Variants in OR2L13 observed in about 807,000 individuals in gnomAD.
OR2L13 encodes the protein olfactory receptor family 2 subfamily L member 13, also known as olfactory receptor 2L13.
In OR2L13, 14 loss-of-function variants were observed where a neutral mutation model predicts 15.3. The ratio of observed to expected loss-of-function variants is 0.91; its 90% confidence interval spans 0.60 to 1.43. The LOEUF (loss-of-function observed/expected upper bound fraction) is 1.43. OR2L13 is among the 40% of genes most tolerant of loss of function. The pLI is 0.00. For missense variants in OR2L13, 367 were observed against 387.9 expected (o/e 0.95, Z 0.45); for synonymous variants, 152 against 142.9 (o/e 1.06, Z -0.45).
the OR2L13 span, chr1:247,975,656 TGAAGACAAAC>T: frequency 8.9e-7 from 1 of 1,128,560 alleles, no homozygotes; most frequent in East Asian, 2.4e-5. Context: ...CCTGTGAAGA[TGAAGACAAAC>T]TTTCTGCCTT....
chr1:247,939,875 C>A, the OR2L13 span, among the ~76,000 whole-genome samples: 1 of 152,086 alleles, frequency 6.6e-6, no homozygotes, highest in Non-Finnish European at 1.5e-5. Context: ...CAAAGATAAC[C>A]TAAGGCTTCC....
At chr1:247,992,826 A>T in the OR2L13 span, among the ~76,000 whole-genome samples, 1 of 150,766 alleles carries the variant, frequency 6.6e-6, no homozygotes, top group Admixed American at 6.6e-5. Context: ...TGAATAGTGC[A>T]GCAATGAGCA....
At chr1:248,008,837 C>T in the OR2L13 span, among the ~76,000 whole-genome samples, 1 of 152,030 alleles carries the variant, frequency 6.6e-6, no homozygotes, top group Non-Finnish European at 1.5e-5. Context: ...AACAAACAGT[C>T]CCTCAGACCA....
chr1:248,059,670 T>C, the OR2L13 span, among the ~76,000 whole-genome samples: 1 of 152,346 alleles, frequency 6.6e-6, no homozygotes, highest in East Asian at 1.9e-4. Flanking sequence ...AAATAATTGA[T>C]AATTGGCATT....
chr1:248,100,143 C>T (rs1664827625), exon 3 of OR2L13: 1 of 1,614,030 alleles, frequency 6.2e-7, no homozygotes, highest in Admixed American at 1.7e-5. Flanking sequence ...CTTTTGTCTA[C>T]ACCTATCTTC....
At chr1:247,957,183 C>T in the OR2L13 span, among the ~76,000 whole-genome samples, 511 of 152,168 alleles carry the variant, frequency 3.4e-3, 2 homozygotes, top group African/African-American at 0.011. Context: ...AAGGCCTTTT[C>T]TGCATCTATT....
At chr1:247,955,791 GT>G in the OR2L13 span, among the ~76,000 whole-genome samples, 2 of 151,944 alleles carry the variant, frequency 1.3e-5, no homozygotes, top group Non-Finnish European at 2.9e-5. Flanking sequence ...TGATGGGATT[GT>G]TTTTTTCTTG....
the OR2L13 span, chr1:248,061,598 G>T: frequency 1.9e-6 from 3 of 1,612,586 alleles, no homozygotes; most frequent in Non-Finnish European, 2.5e-6. Flanking sequence ...GTGAGTCAGA[G>T]AATCTGCTCT....
chr1:248,058,843 T>G, the OR2L13 span, among the ~76,000 whole-genome samples: 5 of 152,096 alleles, frequency 3.3e-5, no homozygotes, highest in African/African-American at 1.2e-4. Flanking sequence ...TTTTTTTATC[T>G]TTCCTAAATT....
upstream of OR2L13, among the ~76,000 whole-genome samples, chr1:248,092,515 A>G (rs1347036843): frequency 1.3e-5 from 2 of 152,178 alleles, no homozygotes; most frequent in African/African-American, 4.8e-5. Context: ...AACTGGATCT[A>G]TTTCACATCT....
the OR2L13 span, among the ~76,000 whole-genome samples, chr1:248,007,070 C>T: frequency 3.3e-5 from 5 of 152,278 alleles, no homozygotes; most frequent in Non-Finnish European, 5.9e-5. Flanking sequence ...AGACCCTTTA[C>T]CCTTTCAGGT....
the OR2L13 span, among the ~76,000 whole-genome samples, chr1:247,968,125 T>C: frequency 6.6e-6 from 1 of 152,108 alleles, no homozygotes; most frequent in Non-Finnish European, 1.5e-5. Flanking sequence ...ATTCATCGCA[T>C]AAAGTAAACC....
At chr1:248,093,909 G>A (rs1664657891), upstream of OR2L13, among the ~76,000 whole-genome samples, 1 of 152,108 alleles carries the variant, frequency 6.6e-6, no homozygotes, top group South Asian at 2.1e-4. Flanking sequence ...TGTTACCAGA[G>A]GCTCGGCAGA....
chr1:248,024,936 C>G, the OR2L13 span, among the ~76,000 whole-genome samples: 1 of 152,078 alleles, frequency 6.6e-6, no homozygotes. Flanking sequence ...TTTTCCAATT[C>G]TGTGAAGAAA....
chr1:248,018,689 C>G, the OR2L13 span, among the ~76,000 whole-genome samples: 1 of 152,156 alleles, frequency 6.6e-6, no homozygotes, highest in Non-Finnish European at 1.5e-5. Context: ...TTTAAGTGTA[C>G]AGTTCTGTGG....
At chr1:248,061,678 G>T in the OR2L13 span, 1 of 1,391,368 alleles carries the variant, frequency 7.2e-7, no homozygotes, top group African/African-American at 1.4e-5. Context: ...GCAGTGTATA[G>T]TAATTAAAAT....
chr1:248,026,052 A>T, the OR2L13 span, among the ~76,000 whole-genome samples: 1 of 152,180 alleles, frequency 6.6e-6, no homozygotes, highest in Non-Finnish European at 1.5e-5. Context: ...TACATATGTA[A>T]CTAATCTGCA....
At chr1:247,980,089 C>G in the OR2L13 span, among the ~76,000 whole-genome samples, 1 of 151,860 alleles carries the variant, frequency 6.6e-6, no homozygotes, top group Non-Finnish European at 1.5e-5. Context: ...AGATAGAAGG[C>G]ATAATTAATT....
chr1:248,055,865 C>T, the OR2L13 span: 2 of 152,066 alleles, frequency 1.3e-5, no homozygotes, highest in Admixed American at 6.5e-5. Flanking sequence ...CTCTTTTTAC[C>T]TCTGGTAGAA....
Sources: allele counts gnomAD v4.1 joint callset (sites outside exome capture counted in the v4.1 genomes callset), GRCh38; gene constraint gnomAD v4.1.1; transcripts MANE v1.5; gene names NCBI Gene and HGNC (gene_info 2026-07-23, HGNC 2026-07-21).